Variants in CD300C observed in about 807,000 individuals in gnomAD.
CD300C encodes CMRF35-like molecule 6.
Under a neutral mutation model 18.4 loss-of-function variants are expected in CD300C, and 11 were observed. The ratio of observed to expected loss-of-function variants is 0.60; its 90% CI spans 0.38 to 0.99. The LOEUF (loss-of-function observed/expected upper bound fraction) is 0.99, where lower values mean the gene tolerates loss of function less well. Among genes scored for constraint, CD300C ranks in the 50% least tolerant of loss-of-function variants. The pLI, the probability that CD300C is intolerant of heterozygous loss-of-function variation, is 0.01. For synonymous variants in CD300C, 116 were observed against 116.3 expected (o/e 1.00, Z 0.02); for missense variants, 277 against 287.4 (o/e 0.96, Z 0.26).
chr17:74,542,981 G>T lies in CD300C; in HGVS notation c.407C>A (p.Thr136Lys). The change falls in exon 3 of 4, where the codon ACG (threonine) becomes AAG (lysine). Residue 136 changes from threonine (T) to lysine (K), a missense_variant. Thr to Lys is a moderately conservative substitution (Grantham distance 78, BLOSUM62 -1). Coordinates refer to ENST00000330793, the MANE Select transcript of CD300C (RefSeq NM_006678.5). ...EVEVSVFPAG[T>K]TTASSPQSSM... ...GCTCTGGGGGCTGGAGGCTGTGGTC[G>T]TCCCGGCTGTGGGTGAAACACAGGT... is the stretch of plus-strand genomic sequence containing the variant. 6.2e-7 allele frequency: 1 copy of T among 1,613,518 alleles called. No homozygotes were observed. Among genetic ancestry groups the T allele is most frequent in the African/African-American group, 1.3e-5 (1 of 75,064 alleles).
downstream of CD300C, among the ~76,000 whole-genome samples, chr17:74,536,270 A>G (rs4789074): frequency 0.5 from 76,422 of 151,912 alleles, 19,808 homozygotes; most frequent in Middle Eastern, 0.65. Context: ...GTGGAGCACC[A>G]GTAACTAACA....
chr17:74,543,567 A>T (rs1156862919), intron 2 of CD300C, among the ~76,000 whole-genome samples: 1 of 152,162 alleles, frequency 6.6e-6, no homozygotes, highest in Non-Finnish European at 1.5e-5. Flanking sequence ...CGTGGTGAAT[A>T]CAGCTGGATA....
Position 74,541,506 on chromosome 17 carries a change from G to T in CD300C, c.*83C>A. The T allele has an allele frequency of 1.1e-6, 1 of 915,564 alleles. No individual in the cohort carries two copies. The allele number at this position is 915,564 out of a possible 1,614,324, so 56.7% of individuals were successfully genotyped here. A position where few individuals can be genotyped will look rare whatever the true frequency, so the allele number is the denominator to read the frequency against. On this transcript the variant is annotated 3_prime_UTR_variant, in exon 4 of 4. Coordinates refer to ENST00000330793, the MANE Select transcript of CD300C (RefSeq NM_006678.5). ...GATTCCAGGAGATGTGGAGAGAGCA[G>T]CCCGGGAGGGAGTGGTCAGGAGGTC...
At chr17:74,543,797 T>C (rs1235537297) in intron 2 of CD300C, among the ~76,000 whole-genome samples, 3 of 152,186 alleles carry the variant, frequency 2.0e-5, no homozygotes, top group Non-Finnish European at 4.4e-5. Flanking sequence ...GAGGGGGCCT[T>C]TGAGGGAAGA....
intron 1 of CD300C, among the ~76,000 whole-genome samples, chr17:74,545,185 C>T (rs1252541361): frequency 1.3e-5 from 2 of 151,938 alleles, no homozygotes; most frequent in Non-Finnish European, 2.9e-5. Flanking sequence ...TGGGTGTGTG[C>T]GGGCCTGTGT....
intron 3 of CD300C, among the ~76,000 whole-genome samples, chr17:74,542,288 C>T (rs568162249): frequency 1.3e-5 from 2 of 152,236 alleles, no homozygotes; most frequent in South Asian, 2.1e-4. Context: ...GCCAGGGCTG[C>T]GAGAGAGGCA....
At chr17:74,539,136 C>T (rs1240744083), downstream of CD300C, among the ~76,000 whole-genome samples, 1 of 152,194 alleles carries the variant, frequency 6.6e-6, no homozygotes, top group Non-Finnish European at 1.5e-5. Context: ...CTCTCCCAAC[C>T]CTCTTACAGA....
intron 3 of CD300C, 105 bp downstream of exon 3, chr17:74,542,756 T>G: frequency 7.5e-7 from 1 of 1,324,840 alleles, no homozygotes; most frequent in Admixed American, 2.2e-5. Context: ...GTGTGGGAGG[T>G]GCGAACAAAG....
At chr17:74,535,469 CAAA>C in the CD300C span, among the ~76,000 whole-genome samples, 192 of 80,254 alleles carry the variant, frequency 2.4e-3, 1 homozygote, top group African/African-American at 7.9e-3. Flanking sequence ...AACTCTGTCT[CAAA>C]AAAAAAAAAA....
intron 1 of CD300C, 27 bp downstream of exon 1, chr17:74,545,695 C>G (rs755632299): frequency 6.3e-7 from 1 of 1,575,326 alleles, no homozygotes; most frequent in East Asian, 2.3e-5. Context: ...GGACAGAGCT[C>G]CCCAAGTCCA....
downstream of CD300C, among the ~76,000 whole-genome samples, chr17:74,537,853 A>C (rs1347904319): frequency 2.0e-5 from 3 of 152,176 alleles, no homozygotes; most frequent in Non-Finnish European, 4.4e-5. Context: ...GCTGCTCCAG[A>C]GGCTGAGACA....
At chr17:74,542,771 GA>G (rs1368258421) in intron 3 of CD300C, 89 bp downstream of exon 3, 21 of 1,430,822 alleles carry the variant, frequency 1.5e-5, no homozygotes, top group Non-Finnish European at 2.0e-5. Flanking sequence ...ACAAAGAAGG[GA>G]CTGGAAGAAG....
intron 3 of CD300C, 112 bp downstream of exon 3, chr17:74,542,749 T>G: frequency 7.9e-7 from 1 of 1,260,090 alleles, no homozygotes; most frequent in Non-Finnish European, 1.1e-6. Flanking sequence ...ACGTTTGGTG[T>G]GGGAGGTGCG....
chr17:74,543,560 G>A (rs1908636594), intron 2 of CD300C, among the ~76,000 whole-genome samples: 1 of 152,194 alleles, frequency 6.6e-6, no homozygotes, highest in Non-Finnish European at 1.5e-5. Context: ...GGCGGCCCGT[G>A]GTGAATACAG....
At chr17:74,534,835 T>C in the CD300C span, among the ~76,000 whole-genome samples, 20 of 152,210 alleles carry the variant, frequency 1.3e-4, no homozygotes, top group African/African-American at 4.3e-4. Flanking sequence ...TTACTTTTCA[T>C]GATAAACTAG....
chr17:74,537,802 G>A (rs780230256), downstream of CD300C, among the ~76,000 whole-genome samples: 5 of 151,826 alleles, frequency 3.3e-5, no homozygotes, highest in Admixed American at 6.6e-5. Flanking sequence ...CATAACAATC[G>A]GAATGTGAGC....
chr17:74,544,814 A>G lies in CD300C; in HGVS notation c.195T>C (p.Cys65=), dbSNP rs1322769948. The G allele has an allele frequency of 1.9e-6, 3 of 1,614,240 alleles. No homozygotes were observed. Among genetic ancestry groups the G allele is most frequent in the Non-Finnish European group, 2.5e-6 (3 of 1,180,050 alleles). The stretch of plus-strand genomic sequence containing the variant: ...ACCCTTTGGTCTCCACAATCTTGTC[A>G]CATCGGAGAATCTGTGGTGGTCTGC... ...FWCRPPQILR[C]DKIVETKGSA... The change falls in exon 2 of 4, where the codon TGT becomes TGC. Residue 65 remains cysteine (C), a synonymous_variant. Transcript: ENST00000330793.
At chr17:74,540,450 C>T (rs116351550), downstream of CD300C, among the ~76,000 whole-genome samples, 2,362 of 152,286 alleles carry the variant, frequency 0.016, 52 homozygotes, top group African/African-American at 0.053. Context: ...AAACAGAGCT[C>T]CTTGCCTGGG....
chr17:74,544,604 C>T lies in CD300C; in HGVS notation c.400+5G>A. On this transcript the variant is annotated splice_donor_5th_base_variant and intron_variant, in intron 2 of 3. Transcript: ENST00000330793. ...GGCCTGGTGCTGAGAAAAGGAGGGGCTCACCCGGGAACACGGACACCTCAA... is the reference window on the plus strand; with the variant it reads ...GGCCTGGTGCTGAGAAAAGGAGGGGTTCACCCGGGAACACGGACACCTCAA... 6.2e-7 allele frequency: 1 copy of T among 1,605,128 alleles called. No homozygotes were observed. Among genetic ancestry groups the T allele is most frequent in the Non-Finnish European group, 8.5e-7 (1 of 1,173,492 alleles).
Sources: allele counts gnomAD v4.1 joint callset (sites outside exome capture counted in the v4.1 genomes callset), GRCh38; gene constraint gnomAD v4.1.1; transcripts MANE v1.5; gene names NCBI Gene and HGNC (gene_info 2026-07-23, HGNC 2026-07-21).